Variants in B3GALT1 observed in about 807,000 individuals in gnomAD.
The protein encoded by B3GALT1 is UDP-Gal:betaGlcNAc beta 1,3-galactosyltransferase, polypeptide 1.
A neutral mutation model predicts 23.2 loss-of-function variants in B3GALT1; 10 were observed. That is an observed-to-expected ratio of 0.43 (90% CI 0.27 to 0.73). The LOEUF is 0.73. Ranked by LOEUF, B3GALT1 falls within the 30% of genes least tolerant of loss-of-function variation. The pLI is 0.21. For missense variants in B3GALT1, 299 were observed against 405.4 expected, an observed-to-expected ratio of 0.74 and a Z score of 2.25; for synonymous variants, 156 against 141.5, an observed-to-expected ratio of 1.10 and a Z score of -0.73.
chr2:167,863,162 T>TTC (rs201834823), intron 4 of B3GALT1, among the ~76,000 whole-genome samples: 1 of 151,202 alleles, frequency 6.6e-6, no homozygotes, highest in African/African-American at 2.4e-5. Context: ...TTTTGTGGTA[T>TTC]TCTCTCTTTT....
chr2:167,599,819 T>A (rs1684841900), intron 2 of B3GALT1, among the ~76,000 whole-genome samples: 1 of 152,222 alleles, frequency 6.6e-6, no homozygotes, highest in South Asian at 2.1e-4. Flanking sequence ...GACACATGTT[T>A]TTTTTCCATT....
At position 167,345,819 on chromosome 2, in the gene B3GALT1, A is replaced by T. The variant is rs191877370; in HGVS notation, c.-511+52485A>T. The stretch of plus-strand genomic sequence containing the variant: ...CAGAGGAAGAGGCAATTATGCTGGG[A>T]GTCTTATAAATGGCTTCACTGAGTG... On this transcript the variant is annotated intron_variant, in intron 1 of 4. Transcript: ENST00000392690. Among the ~76,000 whole-genome samples, 94 of 152,256 alleles carry T rather than the reference A, an allele frequency of 6.2e-4. 1 individual carries two copies. The highest frequency in any genetic ancestry group is 2.1e-3 in the African/African-American group (87 of 41,538).
At chr2:167,840,407 C>CA (rs1689616457) in intron 4 of B3GALT1, among the ~76,000 whole-genome samples, 1 of 151,774 alleles carries the variant, frequency 6.6e-6, no homozygotes, top group Non-Finnish European at 1.5e-5. Flanking sequence ...TTTTTGCAGC[C>CA]AAAAAACACA....
intron 2 of B3GALT1, among the ~76,000 whole-genome samples, chr2:167,523,977 C>G (rs1683176357): frequency 6.6e-6 from 1 of 152,062 alleles, no homozygotes; most frequent in Non-Finnish European, 1.5e-5. Flanking sequence ...ATAAACAATA[C>G]TGCAAATGAT....
intron 2 of B3GALT1, among the ~76,000 whole-genome samples, chr2:167,523,865 T>C (rs1683171346): frequency 3.7e-5 from 1 of 27,180 alleles, no homozygotes; most frequent in Non-Finnish European, 6.7e-5. Flanking sequence ...AGTTGCCTCA[T>C]TTTTTAATGG....
rs1187182765 is a variant in B3GALT1, at chr2:167,481,080, T to C, written c.-510-9097T>C. Among the ~76,000 whole-genome samples the C allele has an allele frequency of 2.6e-5, 4 of 152,190 alleles. No individual in the cohort carries two copies. In the East Asian group the frequency reaches 7.7e-4, roughly 29 times the overall value. On this transcript the variant is annotated intron_variant, in intron 1 of 4. Coordinates refer to ENST00000392690, the MANE Select transcript of B3GALT1 (RefSeq NM_020981.4). ...AGCTGGTACTTGCAATTCAAAACCA[T>C]GGTTTTAAAGACGATTGTCTGCACT...
chr2:167,402,290 G>C (rs1378029509), intron 1 of B3GALT1, among the ~76,000 whole-genome samples: 2 of 151,982 alleles, frequency 1.3e-5, no homozygotes, highest in African/African-American at 2.4e-5. Flanking sequence ...AAAAAATTTA[G>C]AGTAATATTT....
At chr2:167,642,004 C>A (rs1031828294) in intron 2 of B3GALT1, among the ~76,000 whole-genome samples, 1 of 152,160 alleles carries the variant, frequency 6.6e-6, no homozygotes, top group Admixed American at 6.5e-5. Context: ...ACTCTTTCTC[C>A]AGAGGTTCTG....
intron 3 of B3GALT1, among the ~76,000 whole-genome samples, chr2:167,716,787 G>C (rs1405386196): frequency 1.3e-5 from 2 of 152,022 alleles, no homozygotes; most frequent in Non-Finnish European, 2.9e-5. Flanking sequence ...ATTTCTTTTA[G>C]AATTCCATTT....
rs1364606100 is a variant in B3GALT1, at chr2:167,665,131, T to C, written c.-352+18165T>C. On this transcript the variant is annotated intron_variant, in intron 3 of 4. Transcript: ENST00000392690. ...AGTTAGCTCTTATTATTTTGAGATA[T>C]GTCCCATCAATACCTAATTTATTGA... Among the ~76,000 whole-genome samples the C allele has an allele frequency of 8.3e-3, 1,238 of 149,900 alleles. 9 individuals are homozygous for C. Among genetic ancestry groups the C allele is most frequent in the African/African-American group, 0.029 (1,161 of 39,410 alleles).
intron 2 of B3GALT1, among the ~76,000 whole-genome samples, chr2:167,585,790 T>C (rs1684575121): frequency 6.6e-6 from 1 of 152,170 alleles, no homozygotes; most frequent in Non-Finnish European, 1.5e-5. Context: ...AATAATAGAG[T>C]AGATAATTTT....
chr2:167,476,252 G>A (rs942240369), intron 1 of B3GALT1, among the ~76,000 whole-genome samples: 1 of 152,172 alleles, frequency 6.6e-6, no homozygotes, highest in African/African-American at 2.4e-5. Flanking sequence ...TGTAGACAGT[G>A]CTTAGCATTC....
At chr2:167,394,208 A>G (rs1393115438) in intron 1 of B3GALT1, among the ~76,000 whole-genome samples, 2 of 152,206 alleles carry the variant, frequency 1.3e-5, no homozygotes, top group Non-Finnish European at 1.5e-5. Context: ...CAAATTTCTG[A>G]TAAAAAACTT....
chr2:167,304,675 G>T (rs927759692), intron 1 of B3GALT1, among the ~76,000 whole-genome samples: 2 of 151,374 alleles, frequency 1.3e-5, no homozygotes, highest in Admixed American at 1.3e-4. Context: ...GAGACAGAGA[G>T]ACAGAAAGAG....
chr2:167,674,474 A>C (rs963415625), intron 3 of B3GALT1, among the ~76,000 whole-genome samples: 6 of 152,218 alleles, frequency 3.9e-5, no homozygotes, highest in Non-Finnish European at 5.9e-5. Context: ...GTTACAAGGC[A>C]AGGGGCCATG....
At chr2:167,300,839 A>G (rs1696432502) in intron 1 of B3GALT1, among the ~76,000 whole-genome samples, 1 of 152,210 alleles carries the variant, frequency 6.6e-6, no homozygotes, top group African/African-American at 2.4e-5. Flanking sequence ...CATAATGGGG[A>G]AAAGATTTTA....
intron 1 of B3GALT1, among the ~76,000 whole-genome samples, chr2:167,483,389 AATT>A (rs1699586225): frequency 6.6e-6 from 1 of 152,252 alleles, no homozygotes; most frequent in African/African-American, 2.4e-5. Context: ...TACTTGGCTA[AATT>A]ATTATGGGAA....
At chr2:167,680,770 G>T (rs1448834) in intron 3 of B3GALT1, among the ~76,000 whole-genome samples, 3 of 147,176 alleles carry the variant, frequency 2.0e-5, no homozygotes, top group Non-Finnish European at 4.6e-5. Context: ...GATTATTCGC[G>T]CAGAATTTTT....
chr2:167,711,469 G>A (rs964511211), intron 3 of B3GALT1, among the ~76,000 whole-genome samples: 2 of 152,166 alleles, frequency 1.3e-5, no homozygotes, highest in Admixed American at 6.5e-5. Flanking sequence ...ACGGTCCTCT[G>A]AGTCACTGAA....
Sources: allele counts gnomAD v4.1 joint callset (sites outside exome capture counted in the v4.1 genomes callset), GRCh38; gene constraint gnomAD v4.1.1; transcripts MANE v1.5; gene names NCBI Gene and HGNC (gene_info 2026-07-23, HGNC 2026-07-21).